The following WWOX variants were observed in gnomAD, a reference collection of about 807,000 sequenced individuals.
WWOX encodes the protein WW domain-containing oxidoreductase.
In WWOX, 69 loss-of-function variants were observed where a neutral mutation model predicts 46.2. The ratio of observed to expected loss-of-function variants is 1.49; its 90% CI spans 1.23 to 1.82. The LOEUF is 1.82. Ranked by LOEUF, WWOX falls within the 40% of genes most tolerant of loss-of-function variation. WWOX has a pLI of 0.00. For synonymous variants in WWOX, 359 were observed against 202.6 expected, an observed-to-expected ratio of 1.77 and a Z score of -6.56; for missense variants, 919 against 542.6, an observed-to-expected ratio of 1.69 and a Z score of -6.89.
chr16:78,225,491 C>A (rs1316822775), intron 5 of WWOX, among the ~76,000 whole-genome samples: 1 of 152,020 alleles, frequency 6.6e-6, no homozygotes, highest in East Asian at 1.9e-4. Context: ...CTTCTATGAT[C>A]TCTGCTTTTA....
At position 78,621,229 on chromosome 16, in the gene WWOX, A is replaced by C. The variant is rs922808183; in HGVS notation, c.1056+188477A>C. ...GTTAATGGCCAGAATAAGGCTGCCA[A>C]GCTCGGTGGAATTGTACTTAACTGG... is the stretch of plus-strand genomic sequence containing the variant. On this transcript the variant is annotated intron_variant, in intron 8 of 8. Coordinates refer to ENST00000566780, the MANE Select transcript of WWOX (RefSeq NM_016373.4). 2.6e-5 allele frequency among the ~76,000 whole-genome samples: 4 copies of C among 152,318 alleles called. No homozygotes were observed. The South Asian group carries it at 8.3e-4, about 32-fold the overall frequency.
chr16:78,821,465 C>T (rs770841149), intron 8 of WWOX, among the ~76,000 whole-genome samples: 3 of 152,166 alleles, frequency 2.0e-5, no homozygotes, highest in Non-Finnish European at 4.4e-5. Flanking sequence ...TTCAGGATTG[C>T]AAAATATTGT....
intron 8 of WWOX, among the ~76,000 whole-genome samples, chr16:78,459,649 G>C (rs138545008): frequency 6.6e-6 from 1 of 152,146 alleles, no homozygotes; most frequent in Non-Finnish European, 1.5e-5. Flanking sequence ...ATTATAGATT[G>C]CTGATGTTTG....
chr16:79,208,720 C>T lies in WWOX; in HGVS notation c.1057-2888C>T, dbSNP rs1209564781. Among the ~76,000 whole-genome samples the T allele has an allele frequency of 1.3e-5, 2 of 151,948 alleles. 1 individual carries two copies. The highest frequency in any genetic ancestry group is 4.8e-5 in the African/African-American group (2 of 41,342). On this transcript the variant is annotated intron_variant, in intron 8 of 8. Transcript: ENST00000566780. Reference sequence around the variant, plus strand: ...TGAGATTTCACTAATGTGCCTCAGTCTTATTCTGATGATATGTAGGCCGAA... The same window carrying T: ...TGAGATTTCACTAATGTGCCTCAGTTTTATTCTGATGATATGTAGGCCGAA...
At chr16:78,378,215 G>A (rs1226582806) in intron 5 of WWOX, among the ~76,000 whole-genome samples, 1 of 152,084 alleles carries the variant, frequency 6.6e-6, no homozygotes, top group African/African-American at 2.4e-5. Context: ...CTCCAAAAGT[G>A]TTTGTTTATT....
intron 4 of WWOX, among the ~76,000 whole-genome samples, chr16:78,126,770 C>G (rs1468573175): frequency 6.6e-6 from 1 of 152,084 alleles, no homozygotes; most frequent in African/African-American, 2.4e-5. Flanking sequence ...GCTTTGGTAC[C>G]CGCATTTAAG....
chr16:78,403,775 T>C (rs767525660), intron 6 of WWOX, among the ~76,000 whole-genome samples: 13 of 152,246 alleles, frequency 8.5e-5, no homozygotes, highest in Non-Finnish European at 1.5e-4. Flanking sequence ...GTGTTCTGCC[T>C]AGGCATTGTC....
chr16:79,099,924 A>G (rs1210306311), intron 8 of WWOX, among the ~76,000 whole-genome samples: 2 of 152,226 alleles, frequency 1.3e-5, no homozygotes, highest in South Asian at 4.1e-4. Context: ...TCTGAAATCC[A>G]TACAGTGGGC....
At chr16:78,842,827 G>C (rs77800046) in intron 8 of WWOX, among the ~76,000 whole-genome samples, 4,212 of 134,058 alleles carry the variant, frequency 0.031, 259 homozygotes, top group African/African-American at 0.096. Flanking sequence ...ACACCAGCCG[G>C]GGGTGACAGA....
At chr16:78,934,117 C>G (rs1322605269) in intron 8 of WWOX, among the ~76,000 whole-genome samples, 1 of 151,816 alleles carries the variant, frequency 6.6e-6, no homozygotes, top group African/African-American at 2.4e-5. Flanking sequence ...GGGCAGATCA[C>G]AAGGTCAGGA....
At chr16:78,380,234 G>C (rs909945678) in intron 5 of WWOX, among the ~76,000 whole-genome samples, 1 of 152,120 alleles carries the variant, frequency 6.6e-6, no homozygotes. Flanking sequence ...GGAGGGTTGG[G>C]GGATGAGAGG....
At chr16:79,121,239 G>A (rs1342158994) in intron 8 of WWOX, among the ~76,000 whole-genome samples, 1 of 152,158 alleles carries the variant, frequency 6.6e-6, no homozygotes, top group Non-Finnish European at 1.5e-5. Context: ...GGGGCAGGGG[G>A]CACTTTTCTG....
At chr16:78,323,105 T>G (rs1040944829) in intron 5 of WWOX, among the ~76,000 whole-genome samples, 2 of 151,022 alleles carry the variant, frequency 1.3e-5, no homozygotes, top group African/African-American at 4.9e-5. Context: ...GGTTCTTGTA[T>G]TTTTTTTTGT....
intron 5 of WWOX, among the ~76,000 whole-genome samples, chr16:78,222,991 C>T (rs555901218): frequency 1.3e-5 from 2 of 152,210 alleles, no homozygotes; most frequent in South Asian, 4.1e-4. Flanking sequence ...CAGGGAGGGA[C>T]GCACTCCCTG....
chr16:78,384,429 A>G (rs913887932), intron 5 of WWOX, among the ~76,000 whole-genome samples: 2 of 152,126 alleles, frequency 1.3e-5, no homozygotes, highest in Non-Finnish European at 2.9e-5. Flanking sequence ...TTACACTTTG[A>G]AAATATTTTT....
chr16:78,951,394 T>A (rs1170985555), intron 8 of WWOX, among the ~76,000 whole-genome samples: 1 of 152,090 alleles, frequency 6.6e-6, no homozygotes, highest in Non-Finnish European at 1.5e-5. Flanking sequence ...GGGTCACATG[T>A]AAATCATTGA....
At chr16:79,203,480 C>T (rs2051407644) in intron 8 of WWOX, 1 of 150,586 alleles carries the variant, frequency 6.6e-6, no homozygotes, top group Admixed American at 6.8e-5. Flanking sequence ...GATGTGGCCC[C>T]AGCGGAGACC....
chr16:78,361,620 C>T (rs1390396389), intron 5 of WWOX, among the ~76,000 whole-genome samples: 2 of 151,886 alleles, frequency 1.3e-5, no homozygotes, highest in East Asian at 3.9e-4. Context: ...CTTTTCTTTT[C>T]TTTTTGTTGA....
At chr16:78,162,620 C>A (rs1343539714) in intron 4 of WWOX, among the ~76,000 whole-genome samples, 1 of 151,938 alleles carries the variant, frequency 6.6e-6, no homozygotes, top group Non-Finnish European at 1.5e-5. Flanking sequence ...CAGGATACTT[C>A]TTTTTTTGGC....
Sources: allele counts gnomAD v4.1 joint callset (sites outside exome capture counted in the v4.1 genomes callset), GRCh38; gene constraint gnomAD v4.1.1; transcripts MANE v1.5; gene names NCBI Gene and HGNC (gene_info 2026-07-23, HGNC 2026-07-21).